PVT1: variants seen among roughly 807,000 people sequenced by gnomAD.
The protein encoded by PVT1 is Pvt1 oncogene.
chr8:128,040,845 G>T (rs1258731196), intron 4 of PVT1, among the ~76,000 whole-genome samples: 1 of 151,562 alleles, frequency 6.6e-6, no homozygotes, highest in Non-Finnish European at 1.5e-5. Context: ...ATGTACATTT[G>T]TGCTTGTGTA....
intron 5 of PVT1, among the ~76,000 whole-genome samples, chr8:128,077,001 T>C (rs757330831): frequency 1.3e-5 from 2 of 152,204 alleles, no homozygotes; most frequent in African/African-American, 4.8e-5. Context: ...TCCCCTGCTT[T>C]GAGGCTCAGG....
intron 2 of PVT1, among the ~76,000 whole-genome samples, chr8:127,889,089 T>C (rs867453704): frequency 1.5e-4 from 21 of 138,524 alleles, no homozygotes; most frequent in Non-Finnish European, 2.8e-4. Context: ...CCTTCCTTCC[T>C]TCCTTCCTTC....
At chr8:128,080,825 G>C (rs1001980844) in intron 5 of PVT1, among the ~76,000 whole-genome samples, 1 of 152,132 alleles carries the variant, frequency 6.6e-6, no homozygotes, top group Non-Finnish European at 1.5e-5. Context: ...GTTATCTTCT[G>C]AGAGTTTTAT....
chr8:127,994,278 C>T (rs994179680), intron 4 of PVT1, among the ~76,000 whole-genome samples: 6 of 152,146 alleles, frequency 3.9e-5, no homozygotes, highest in African/African-American at 1.2e-4. Context: ...TGTTTGGGAT[C>T]TCGCCTGGAA....
intron 4 of PVT1, among the ~76,000 whole-genome samples, chr8:128,053,782 G>C (rs1385221298): frequency 1.3e-5 from 2 of 152,228 alleles, no homozygotes; most frequent in Admixed American, 6.5e-5. Context: ...TCTGTCAGCA[G>C]GTACAGCTGC....
chr8:127,936,236 G>A (rs140954723), intron 3 of PVT1, among the ~76,000 whole-genome samples: 3 of 151,826 alleles, frequency 2.0e-5, no homozygotes, highest in South Asian at 2.1e-4. Context: ...ATTTTTAGGA[G>A]AGATGGGGTT....
In PVT1 at chr8:127,898,731, C is replaced by T. The variant is rs1260029452; in HGVS notation, n.782+7733C>T. Among the ~76,000 whole-genome samples, 5 of 152,128 alleles carry T rather than the reference C, an allele frequency of 3.3e-5. No individual in the cohort carries two copies. The highest frequency in any genetic ancestry group is 9.7e-5 in the African/African-American group (4 of 41,412). On this transcript the variant is annotated intron_variant and non_coding_transcript_variant, in intron 3 of 10. Transcript: ENST00000651587. The surrounding 1 kb of genome is among the most constrained non-coding windows in gnomAD (Gnocchi z 4.4). ...CCCTGTGGTGGGGGTGAGGCGGTGG[C>T]GTGGGGGCTTCTTCCCTCTCTCTCT...
chr8:128,012,463 G>T (rs1817325160), intron 4 of PVT1, among the ~76,000 whole-genome samples: 1 of 152,150 alleles, frequency 6.6e-6, no homozygotes, highest in South Asian at 2.1e-4. Context: ...GAAAATGGAG[G>T]CTTCAAGAGT....
At chr8:128,043,380 G>A (rs1439915453) in intron 4 of PVT1, among the ~76,000 whole-genome samples, 2 of 152,202 alleles carry the variant, frequency 1.3e-5, no homozygotes, top group Non-Finnish European at 2.9e-5. Context: ...GTCAGGAGGT[G>A]AGGGAAGCTC....
At chr8:127,915,991 C>G (rs1815980018) in intron 3 of PVT1, among the ~76,000 whole-genome samples, 1 of 152,254 alleles carries the variant, frequency 6.6e-6, no homozygotes, top group Middle Eastern at 3.2e-3. Flanking sequence ...CAGTCAATCC[C>G]ACCCTGGCCA....
chr8:127,832,830 C>A (rs910224573), intron 2 of PVT1, among the ~76,000 whole-genome samples: 1 of 152,106 alleles, frequency 6.6e-6, no homozygotes, highest in East Asian at 1.9e-4. Context: ...TCCACTCCAG[C>A]CTGGGCGACA....
At chr8:128,035,491 G>A (rs750844040) in intron 4 of PVT1, among the ~76,000 whole-genome samples, 13 of 152,130 alleles carry the variant, frequency 8.5e-5, no homozygotes, top group East Asian at 3.9e-4. Flanking sequence ...CTCCTTCTGC[G>A]TTTATTGAGC....
At chr8:128,045,265 C>T (rs534238889) in intron 4 of PVT1, among the ~76,000 whole-genome samples, 1 of 152,272 alleles carries the variant, frequency 6.6e-6, no homozygotes, top group East Asian at 1.9e-4. Flanking sequence ...AACTCTACTC[C>T]TTGACTCCTC....
chr8:127,831,245 G>A (rs1814847773), intron 2 of PVT1, among the ~76,000 whole-genome samples: 1 of 151,422 alleles, frequency 6.6e-6, no homozygotes, highest in Non-Finnish European at 1.5e-5. Context: ...TTGAGGTCAG[G>A]AGTTCAAGAC....
chr8:127,840,785 A>G (rs1437270951), intron 2 of PVT1, among the ~76,000 whole-genome samples: 2 of 152,240 alleles, frequency 1.3e-5, no homozygotes, highest in Non-Finnish European at 2.9e-5. Context: ...GTCCTGTCCA[A>G]CCAGGGAATG....
At chr8:127,974,540 G>T (rs1033827383) in intron 3 of PVT1, among the ~76,000 whole-genome samples, 3 of 150,680 alleles carry the variant, frequency 2.0e-5, no homozygotes, top group African/African-American at 7.5e-5. Context: ...TCAGCCACCT[G>T]AGTAGCTGGG....
chr8:127,923,377 C>CCT (rs1816088570), intron 3 of PVT1, among the ~76,000 whole-genome samples: 7 of 152,194 alleles, frequency 4.6e-5, no homozygotes, highest in Non-Finnish European at 1.0e-4. Context: ...AGATGTGAAG[C>CCT]CTGTGAGTTG....
chr8:127,998,847 C>CCTTCCTTCCTT, intron 4 of PVT1, among the ~76,000 whole-genome samples: 1 of 143,284 alleles, frequency 7.0e-6, no homozygotes, highest in Non-Finnish European at 1.5e-5. Flanking sequence ...TTCCTTCCTT[C>CCTTCCTTCCTT]CCTCCCTCCC....
intron 3 of PVT1, among the ~76,000 whole-genome samples, chr8:127,988,352 G>C (rs1030739252): frequency 6.6e-6 from 1 of 152,186 alleles, no homozygotes. Flanking sequence ...AAAGGGCACC[G>C]TACTGTAAAT....
Sources: gnomAD v4.1 joint callset for allele counts (sites outside exome capture counted in the v4.1 genomes callset) on GRCh38, gnomAD v4.1.1 for gene constraint, Gnocchi (gnomAD v3.1) non-coding constraint, MANE v1.5 for transcripts, NCBI Gene and HGNC (gene_info 2026-07-23, HGNC 2026-07-21) for gene names.